The following FAM227A variants were observed in gnomAD, a reference collection of about 807,000 sequenced individuals.
FAM227A encodes protein FAM227A.
Under a neutral mutation model 74.7 loss-of-function variants are expected in FAM227A, and 80 were observed. That is an observed-to-expected ratio of 1.07 (90% CI 0.89 to 1.29). The LOEUF (loss-of-function observed/expected upper bound fraction) is 1.29, where lower values mean the gene tolerates loss of function less well. Among genes scored for constraint, FAM227A ranks in the 50% most tolerant of loss-of-function variants. FAM227A has a pLI of 0.00. For synonymous variants in FAM227A, 237 were observed against 241.8 expected (o/e 0.98, Z 0.19); for missense variants, 654 against 683.4 (o/e 0.96, Z 0.48).
At chr22:38,596,197 T>C (rs2091041607) in intron 15 of FAM227A, among the ~76,000 whole-genome samples, 3 of 152,102 alleles carry the variant, frequency 2.0e-5, no homozygotes, top group African/African-American at 7.2e-5. Flanking sequence ...GGTGCACACC[T>C]ATAGTCCCAG....
intron 11 of FAM227A, among the ~76,000 whole-genome samples, chr22:38,619,852 C>A (rs1410720308): frequency 6.6e-6 from 1 of 151,970 alleles, no homozygotes; most frequent in African/African-American, 2.4e-5. Flanking sequence ...ATCAATAGGG[C>A]AGAGGAGAAA....
intron 13 of FAM227A, among the ~76,000 whole-genome samples, chr22:38,605,047 A>C (rs1263766958): frequency 6.6e-6 from 1 of 152,170 alleles, no homozygotes; most frequent in Non-Finnish European, 1.5e-5. Context: ...TCCCAGCATC[A>C]CTTTGCTCAT....
chr22:38,594,199 G>A (rs1483996564), intron 15 of FAM227A, among the ~76,000 whole-genome samples: 1 of 152,164 alleles, frequency 6.6e-6, no homozygotes, highest in East Asian at 1.9e-4. Flanking sequence ...CCCACGTTTT[G>A]GAGTCTGGCC....
rs1276038637 is a variant in FAM227A, at chr22:38,607,478, T to G, written c.1039-2A>C. On this transcript the variant is annotated splice_acceptor_variant, in intron 11 of 16. Coordinates refer to ENST00000535113, the MANE Select transcript of FAM227A (RefSeq NM_001013647.2). LOFTEE classifies it high-confidence loss of function. ...ACTGGGTGAATTTGCACTAGAAGACTTCAGGAGACAAGAGAGAGAAAGAGA... is the reference window on the plus strand; with the variant it reads ...ACTGGGTGAATTTGCACTAGAAGACGTCAGGAGACAAGAGAGAGAAAGAGA... 2 of 1,544,690 alleles carry G rather than the reference T, an allele frequency of 1.3e-6. No individual in the cohort carries two copies. Among genetic ancestry groups the G allele is most frequent in the South Asian group, 2.4e-5 (2 of 83,930 alleles).
intron 2 of FAM227A, among the ~76,000 whole-genome samples, chr22:38,649,337 G>A (rs901523211): frequency 6.6e-6 from 1 of 152,106 alleles, no homozygotes; most frequent in African/African-American, 2.4e-5. Context: ...GGTCAAGGCG[G>A]GCAGATCACC....
At chr22:38,623,321 G>A in intron 9 of FAM227A, 42 bp from the exon 10 acceptor site, 1 of 1,347,986 alleles carries the variant, frequency 7.4e-7, no homozygotes, top group Non-Finnish European at 1.0e-6. Flanking sequence ...CGGGTGCGGT[G>A]GATCACGCCT....
intron 10 of FAM227A, 38 bp from the exon 11 acceptor site, chr22:38,620,329 C>A: frequency 6.8e-7 from 1 of 1,461,488 alleles, no homozygotes; most frequent in African/African-American, 1.4e-5. Context: ...TTCCTCTTGT[C>A]ATGGGACAAT....
intron 6 of FAM227A, among the ~76,000 whole-genome samples, chr22:38,635,844 T>A (rs570051273): frequency 1.1e-4 from 16 of 151,926 alleles, no homozygotes; most frequent in South Asian, 6.2e-4. Flanking sequence ...TACAAAAAAA[T>A]TTTTTTAAAA....
chr22:38,635,755 G>A (rs1305923932), intron 6 of FAM227A, among the ~76,000 whole-genome samples: 1 of 152,214 alleles, frequency 6.6e-6, no homozygotes, highest in Non-Finnish European at 1.5e-5. Context: ...CACTTTGGGA[G>A]GCCGAGGATG....
chr22:38,586,222 AAAAC>A (rs1569183001), intron 16 of FAM227A, 23 bp from the exon 17 acceptor site: 1 of 1,547,998 alleles, frequency 6.5e-7, no homozygotes. Context: ...CAAACGAACA[AAAAC>A]AAAAATTAAT....
chr22:38,595,871 T>C lies in FAM227A; in HGVS notation c.1532+1333A>G, dbSNP rs114209851. On this transcript the variant is annotated intron_variant, in intron 15 of 16. Coordinates refer to ENST00000535113, the MANE Select transcript of FAM227A (RefSeq NM_001013647.2). ...CAGTGTACAGAAAACATAGGCTATA[T>C]TGGAACAAATTCAATGCTACTTTGA... is the stretch of plus-strand genomic sequence containing the variant. 8.6e-3 allele frequency among the ~76,000 whole-genome samples: 1,303 copies of C among 151,744 alleles called. 16 individuals carry two copies. The highest frequency in any genetic ancestry group is 0.029 in the African/African-American group (1,212 of 41,308).
At chr22:38,648,947 G>A (rs1265125645) in intron 2 of FAM227A, among the ~76,000 whole-genome samples, 2 of 150,492 alleles carry the variant, frequency 1.3e-5, no homozygotes, top group Non-Finnish European at 2.9e-5. Flanking sequence ...ACTCCAGCCT[G>A]AGCAACAGAG....
chr22:38,648,220 G>A (rs987467749), intron 2 of FAM227A, among the ~76,000 whole-genome samples: 22 of 151,912 alleles, frequency 1.4e-4, no homozygotes, highest in African/African-American at 5.3e-4. Context: ...GTAAGATGCT[G>A]GTAGAGCCTG....
At chr22:38,602,785 C>T (rs1250332836) in intron 13 of FAM227A, among the ~76,000 whole-genome samples, 1 of 152,180 alleles carries the variant, frequency 6.6e-6, no homozygotes, top group African/African-American at 2.4e-5. Flanking sequence ...AGCGTCCTTC[C>T]CCTTTCCTAA....
chr22:38,593,735 G>A (rs2090987489), intron 15 of FAM227A, among the ~76,000 whole-genome samples: 1 of 152,086 alleles, frequency 6.6e-6, no homozygotes, highest in Admixed American at 6.5e-5. Context: ...CTGTCACCCA[G>A]ACTGGAGTGC....
intron 10 of FAM227A, 140 bp from the exon 11 acceptor site, chr22:38,620,431 G>A: frequency 1.5e-6 from 1 of 654,778 alleles, no homozygotes. Context: ...TCCACCTGCT[G>A]GGCAAGTTAC....
At chr22:38,637,835 G>A (rs1488254170) in intron 5 of FAM227A, among the ~76,000 whole-genome samples, 1 of 152,220 alleles carries the variant, frequency 6.6e-6, no homozygotes, top group Non-Finnish European at 1.5e-5. Context: ...TTCCCTAGCA[G>A]TTAAAGGTTT....
At position 38,611,361 on chromosome 22, in the gene FAM227A, G is replaced by A. The variant is rs1486831025; in HGVS notation, c.1039-3885C>T. Among the ~76,000 whole-genome samples, 15 of 152,142 alleles carry A rather than the reference G, an allele frequency of 9.9e-5. 1 individual carries two copies. Among genetic ancestry groups the A allele is most frequent in the Admixed American group, 8.5e-4 (13 of 15,262 alleles). On this transcript the variant is annotated intron_variant, in intron 11 of 16. Coordinates refer to ENST00000535113, the MANE Select transcript of FAM227A (RefSeq NM_001013647.2). ...GGGATGCCTAGAAATGTCTGGGTGC[G>A]GAGGGAGCTGCGCAGACCTGGAATT...
chr22:38,597,636 T>G (rs1007051448), intron 14 of FAM227A, among the ~76,000 whole-genome samples: 2 of 152,200 alleles, frequency 1.3e-5, no homozygotes, highest in Admixed American at 1.3e-4. Context: ...AAGGCAGGGC[T>G]AAGAAATACT....
Sources: allele counts gnomAD v4.1 joint callset (sites outside exome capture counted in the v4.1 genomes callset), GRCh38; gene constraint gnomAD v4.1.1; transcripts MANE v1.5; gene names NCBI Gene and HGNC (gene_info 2026-07-23, HGNC 2026-07-21).